Variants in SOS2 observed in about 807,000 individuals in gnomAD.
SOS2 encodes the protein son of sevenless homolog 2.
A neutral mutation model predicts 148.2 loss-of-function variants in SOS2; 65 were observed. The ratio of observed to expected loss-of-function variants is 0.44; its 90% CI spans 0.36 to 0.54. The LOEUF (loss-of-function observed/expected upper bound fraction) is 0.54. SOS2 is among the 20% of genes least tolerant of loss of function. SOS2 has a pLI of 0.00. For synonymous variants in SOS2, 539 were observed against 537.1 expected (o/e 1.00, Z -0.05); for missense variants, 1,341 against 1,590.2 (o/e 0.84, Z 2.67).
chr14:50,219,322 C>T (rs1005048085), intron 1 of SOS2, among the ~76,000 whole-genome samples: 10 of 151,858 alleles, frequency 6.6e-5, no homozygotes, highest in Non-Finnish European at 1.2e-4. Context: ...TATATCTACA[C>T]AATGGAATAC....
Position 50,188,327 on chromosome 14 carries a change from C to T in SOS2, c.714+170G>A, listed in dbSNP as rs565472689. Among the ~76,000 whole-genome samples the T allele has an allele frequency of 5.9e-5, 9 of 152,142 alleles. No individual in the cohort carries two copies. The South Asian group carries it at 1.0e-3, about 18-fold the overall frequency. On this transcript the variant is annotated intron_variant, in intron 5 of 22. Coordinates refer to ENST00000216373, the MANE Select transcript of SOS2 (RefSeq NM_006939.4). ...GGCTGAGGCAGGAATTGCTTGAACC[C>T]GGGAGGTGGAGGCTGCAGTGGTGCG...
chr14:50,192,997 C>CT (rs1277210136), intron 4 of SOS2, among the ~76,000 whole-genome samples: 3 of 151,768 alleles, frequency 2.0e-5, no homozygotes, highest in African/African-American at 4.8e-5. Context: ...ATTCTCTCAC[C>CT]TTTTTTTTGG....
At chr14:50,198,564 G>T (rs1011513284) in intron 4 of SOS2, among the ~76,000 whole-genome samples, 2 of 152,210 alleles carry the variant, frequency 1.3e-5, no homozygotes, top group Non-Finnish European at 2.9e-5. Flanking sequence ...CTCTGGGGGT[G>T]ATATGCAGGC....
Position 50,161,467 on chromosome 14 carries a change from AC to A in SOS2, c.1196+14del. ...GTAAGCAGAGGCATTCACGTTTTCAACACTTTGGAATTACCCAGGTCGACGT... is the reference window on the plus strand; with the variant it reads ...GTAAGCAGAGGCATTCACGTTTTCAAACTTTGGAATTACCCAGGTCGACGT... On this transcript the variant is annotated intron_variant, in intron 9 of 22. Transcript: ENST00000216373. 2 of 1,605,114 alleles carry A rather than the reference AC, an allele frequency of 1.2e-6. No homozygotes were observed. Among genetic ancestry groups the A allele is most frequent in the Non-Finnish European group, 1.7e-6 (2 of 1,176,910 alleles).
chr14:50,221,250 T>C (rs1419260020), intron 1 of SOS2, among the ~76,000 whole-genome samples: 1 of 152,228 alleles, frequency 6.6e-6, no homozygotes, highest in Non-Finnish European at 1.5e-5. Context: ...AATTGCTTTT[T>C]TTCCCCTGTG....
chr14:50,201,101 G>T lies in SOS2; in HGVS notation c.214-17C>A, dbSNP rs771320439. The T allele has an allele frequency of 6.2e-7, 1 of 1,611,716 alleles. No homozygotes were observed. The highest frequency in any genetic ancestry group is 8.5e-7 in the Non-Finnish European group (1 of 1,178,634). The stretch of plus-strand genomic sequence containing the variant: ...AACTCGCTCCTGCTCAATCACAGCA[G>T]AACCATTGTAGTATTAATAAAAGTG... On this transcript the variant is annotated splice_polypyrimidine_tract_variant and intron_variant, in intron 2 of 22. Transcript: ENST00000216373.
At chr14:50,150,788 T>C (rs1256864647) in intron 13 of SOS2, among the ~76,000 whole-genome samples, 1 of 152,068 alleles carries the variant, frequency 6.6e-6, no homozygotes, top group Non-Finnish European at 1.5e-5. Flanking sequence ...AATGGCGTGA[T>C]CTCGGCTCAC....
intron 7 of SOS2, among the ~76,000 whole-genome samples, chr14:50,176,736 G>A (rs144562135): frequency 1.8e-4 from 28 of 152,338 alleles, no homozygotes; most frequent in South Asian, 6.2e-4. Context: ...GGGGCTGGGC[G>A]TGATGGCTCA....
At chr14:50,130,145 C>A in intron 20 of SOS2, 143 bp from the exon 21 acceptor site, 1 of 589,038 alleles carries the variant, frequency 1.7e-6, no homozygotes, top group Admixed American at 3.4e-5. Flanking sequence ...AAAATTAACT[C>A]AGAACCTTCT....
chr14:50,230,457 G>T (rs1442722652), intron 1 of SOS2, among the ~76,000 whole-genome samples: 1 of 152,162 alleles, frequency 6.6e-6, no homozygotes, highest in Non-Finnish European at 1.5e-5. Context: ...GAGGAAGACC[G>T]CCACCATCTA....
At chr14:50,186,028 T>C (rs1358750570) in intron 5 of SOS2, among the ~76,000 whole-genome samples, 3 of 152,138 alleles carry the variant, frequency 2.0e-5, no homozygotes, top group Admixed American at 1.3e-4. Context: ...TCCTGGCACA[T>C]ATTAGGCCTT....
At chr14:50,135,116 A>T (rs1190798868) in intron 18 of SOS2, among the ~76,000 whole-genome samples, 2 of 148,000 alleles carry the variant, frequency 1.4e-5, no homozygotes, top group East Asian at 2.0e-4. Flanking sequence ...AAAGAAAGAA[A>T]GAATGATTAT....
chr14:50,126,801 C>G (rs1883693192), intron 21 of SOS2, among the ~76,000 whole-genome samples: 1 of 150,454 alleles, frequency 6.6e-6, no homozygotes, highest in Admixed American at 6.7e-5. Context: ...CAAAAGGAGT[C>G]AGAGAACATG....
intron 14 of SOS2, 66 bp downstream of exon 14, chr14:50,149,942 G>A: frequency 8.7e-7 from 1 of 1,148,972 alleles, no homozygotes; most frequent in African/African-American, 1.5e-5. Flanking sequence ...TGTGCAAAAT[G>A]TTTTGAAAAT....
intron 2 of SOS2, 64 bp from the exon 3 acceptor site, chr14:50,201,148 C>T (rs1886473213): frequency 1.4e-6 from 2 of 1,439,744 alleles, no homozygotes; most frequent in African/African-American, 1.4e-5. Context: ...GAAATTCATA[C>T]AAAATTCAAC....
chr14:50,184,986 C>A (rs1758799926), intron 5 of SOS2, among the ~76,000 whole-genome samples: 2 of 152,060 alleles, frequency 1.3e-5, no homozygotes, highest in South Asian at 4.1e-4. Context: ...GTGGCTTGCC[C>A]AGAGAGGGCT....
At chr14:50,145,789 A>G (rs920306472) in intron 14 of SOS2, among the ~76,000 whole-genome samples, 193 bp from the exon 15 acceptor site, 5 of 152,236 alleles carry the variant, frequency 3.3e-5, no homozygotes, top group Admixed American at 3.3e-4. Context: ...CTCAGGGAAA[A>G]TAACATAAAA....
intron 13 of SOS2, among the ~76,000 whole-genome samples, chr14:50,152,272 T>A (rs1186352867): frequency 2.0e-5 from 3 of 152,210 alleles, no homozygotes; most frequent in African/African-American, 7.2e-5. Flanking sequence ...GTTTAAATGT[T>A]CATGGCCTAG....
intron 4 of SOS2, among the ~76,000 whole-genome samples, chr14:50,189,099 A>ACG (rs1555321098): frequency 4.7e-5 from 7 of 148,440 alleles, no homozygotes; most frequent in Non-Finnish European, 7.4e-5. Flanking sequence ...ACACACACAC[A>ACG]CACGCACACA....
Sources: gnomAD v4.1 joint callset for allele counts (sites outside exome capture counted in the v4.1 genomes callset) on GRCh38, gnomAD v4.1.1 for gene constraint, MANE v1.5 for transcripts, NCBI Gene and HGNC (gene_info 2026-07-23, HGNC 2026-07-21) for gene names.